TBCB: variants seen among roughly 807,000 people sequenced by gnomAD.
TBCB encodes the protein tubulin-folding cofactor B.
A neutral mutation model predicts 29.2 loss-of-function variants in TBCB; 18 were observed. That is an observed-to-expected ratio of 0.62 (90% CI 0.43 to 0.91). The LOEUF (loss-of-function observed/expected upper bound fraction) is 0.91. Among genes scored for constraint, TBCB ranks in the 40% least tolerant of loss-of-function variants. The pLI, the probability that TBCB is intolerant of heterozygous loss-of-function variation, is 0.00. For missense variants in TBCB, 336 were observed against 337.6 expected (o/e 1.00, Z 0.04); for synonymous variants, 172 against 137.8 (o/e 1.25, Z -1.74).
chr19:36,117,285 A>G (rs1973971954), intron 2 of TBCB, among the ~76,000 whole-genome samples: 1 of 152,122 alleles, frequency 6.6e-6, no homozygotes, highest in African/African-American at 2.4e-5. Context: ...ATAATTCACT[A>G]CTGTGTCCCC....
At chr19:36,122,058 G>C in intron 4 of TBCB, 1 of 403,162 alleles carries the variant, frequency 2.5e-6, no homozygotes, top group Non-Finnish European at 4.6e-6. Context: ...AGGGAACACA[G>C]GGGGCTGTGT....
intron 2 of TBCB, 58 bp from the exon 3 acceptor site, chr19:36,120,652 A>T (rs1371554578): frequency 1.3e-6 from 2 of 1,518,012 alleles, no homozygotes; most frequent in Admixed American, 3.4e-5. Flanking sequence ...CCCTGCACCC[A>T]GCACCCAGGC....
At chr19:36,117,232 C>T (rs146919750) in intron 2 of TBCB, among the ~76,000 whole-genome samples, 1 of 152,340 alleles carries the variant, frequency 6.6e-6, no homozygotes, top group African/African-American at 2.4e-5. Context: ...TACTCTCTGT[C>T]TCCCTGGATT....
chr19:36,116,278 G>T, intron 2 of TBCB, 94 bp downstream of exon 2: 1 of 1,522,968 alleles, frequency 6.6e-7, no homozygotes, highest in Non-Finnish European at 8.9e-7. Flanking sequence ...TCATACCCGA[G>T]ATAGGTCCTG....
At chr19:36,121,936 C>T in intron 4 of TBCB, 1 of 657,898 alleles carries the variant, frequency 1.5e-6, no homozygotes, top group Middle Eastern at 4.2e-4. Flanking sequence ...GCGGAGTGAT[C>T]TGTCCAGCGA....
At chr19:36,116,360 C>T in intron 2 of TBCB, 176 bp downstream of exon 2, 1 of 829,630 alleles carries the variant, frequency 1.2e-6, no homozygotes, top group Middle Eastern at 3.8e-4. Context: ...CTAGAGTGGT[C>T]TGGGCTGGGA....
intron 4 of TBCB, among the ~76,000 whole-genome samples, chr19:36,122,709 G>A (rs1047340682): frequency 1.8e-4 from 27 of 146,048 alleles, no homozygotes; most frequent in African/African-American, 6.7e-4. Flanking sequence ...AGCTATGATC[G>A]CACCACTGCA....
In TBCB at chr19:36,115,678, T is replaced by C. The variant is rs754050010; in HGVS notation, c.114+4T>C. 1.4e-5 allele frequency: 16 copies of C among 1,109,170 alleles called. No homozygotes were observed. The South Asian group carries it at 2.1e-4, about 15-fold the overall frequency. The allele number at this position is 1,109,170 out of a possible 1,614,324, so 68.7% of individuals were successfully genotyped here. A position where few individuals can be genotyped will look rare whatever the true frequency, so the allele number is the denominator to read the frequency against. ...CCTCACCATCGCTGAGTTCAAGGTG[T>C]GGCCATGGGGGCGGGGTCCGGAGGG... is the stretch of plus-strand genomic sequence containing the variant. On this transcript the variant is annotated splice_donor_region_variant and intron_variant, in intron 1 of 5. Coordinates refer to ENST00000221855, the MANE Select transcript of TBCB (RefSeq NM_001281.3).
rs775648395 is a variant in TBCB at position 36,125,464 on chromosome 19, C to T, written c.561C>T (p.Phe187=). The T allele has an allele frequency of 6.2e-7, 1 of 1,614,236 alleles. No homozygotes were observed. The highest frequency in any genetic ancestry group is 8.5e-7 in the Non-Finnish European group (1 of 1,180,038). ...TTCTGTTGGCAGGTCTCACAGATTTCAAGCCTGGCTACTGGATTGGTGTCC... is the reference window on the plus strand; with the variant it reads ...TTCTGTTGGCAGGTCTCACAGATTTTAAGCCTGGCTACTGGATTGGTGTCC... ...GTVMYVGLTD[F]KPGYWIGVRY... The change falls in exon 5 of 6, where the codon TTC becomes TTT. Residue 187 remains phenylalanine (F), a synonymous_variant. Transcript: ENST00000221855.
At chr19:36,119,861 A>C (rs1599864078) in intron 2 of TBCB, among the ~76,000 whole-genome samples, 2 of 147,472 alleles carry the variant, frequency 1.4e-5, no homozygotes, top group African/African-American at 2.5e-5. Context: ...ACACCACCAC[A>C]CTCCAGCCTG....
chr19:36,121,651 C>T lies in TBCB; in HGVS notation c.480C>T (p.Pro160=), dbSNP rs542917348. The T allele has an allele frequency of 6.4e-6, 10 of 1,560,240 alleles. No individual in the cohort carries two copies. The African/African-American group carries it at 6.8e-5, about 11-fold the overall frequency. Residue 160 remains proline (P), a synonymous_variant, in exon 4 of 6, where the codon CCC becomes CCT. Transcript: ENST00000221855. ...AEEKAQASSI[P]VGSRCEVRAA... ...AGAAGGCCCAGGCCAGCTCCATCCCCGTGGGCAGCCGCTGTGAGGTGCGGG... is the reference window on the plus strand; with the variant it reads ...AGAAGGCCCAGGCCAGCTCCATCCCTGTGGGCAGCCGCTGTGAGGTGCGGG...
In TBCB at chr19:36,123,593, G is replaced by T. The variant is rs150615061; in HGVS notation, c.548-1858G>T. Among the ~76,000 whole-genome samples the T allele has an allele frequency of 1.1e-3, 168 of 152,210 alleles. 2 individuals are homozygous for T. The East Asian group carries it at 0.025, about 23-fold the overall frequency. On this transcript the variant is annotated intron_variant, in intron 4 of 5. Transcript: ENST00000221855. ...ACATTCTTTTATAAATTTCTGTGTGGCTGGGCATGGTGGCTCATGCCTGTA... is the reference window on the plus strand; with the variant it reads ...ACATTCTTTTATAAATTTCTGTGTGTCTGGGCATGGTGGCTCATGCCTGTA...
Position 36,121,621 on chromosome 19 carries a change from CGAG to C in TBCB, c.454_456del (p.Glu152del), listed in dbSNP as rs1413150608. On this transcript the variant is annotated inframe_deletion, in exon 4 of 6. Transcript: ENST00000221855. ...AGGCCGAGGCCGCCCAGCGCCTGGC[CGAG>C]GAGAAGGCCCAGGCCAGCTCCATCC... 5 of 1,555,870 alleles carry C rather than the reference CGAG, an allele frequency of 3.2e-6. No individual in the cohort carries two copies. The African/African-American group carries it at 6.8e-5, about 21-fold the overall frequency.
At chr19:36,118,292 T>C (rs906570356) in intron 2 of TBCB, among the ~76,000 whole-genome samples, 1 of 152,070 alleles carries the variant, frequency 6.6e-6, no homozygotes, top group Non-Finnish European at 1.5e-5. Flanking sequence ...AGACAAGGGT[T>C]GTGTAGGAGA....
Position 36,121,730 on chromosome 19 carries a change from G to C in TBCB, c.547+12G>C, listed in dbSNP as rs1599865445. On this transcript the variant is annotated intron_variant, in intron 4 of 5. Coordinates refer to ENST00000221855, the MANE Select transcript of TBCB (RefSeq NM_001281.3). ...CGTCATGTATGTAGGTGCGTGGCTC[G>C]CGGGCCCGGTCCCGGGCTCCAGGGC... The C allele has an allele frequency of 1.3e-6, 2 of 1,548,044 alleles. No individual in the cohort carries two copies. Among genetic ancestry groups the C allele is most frequent in the East Asian group, 4.9e-5 (2 of 41,088 alleles).
intron 4 of TBCB, among the ~76,000 whole-genome samples, chr19:36,124,429 C>T (rs1029158616): frequency 1.3e-5 from 2 of 152,020 alleles, no homozygotes; most frequent in Admixed American, 6.6e-5. Flanking sequence ...CCATGTTGGC[C>T]AGGCTGGTCT....
chr19:36,120,586 G>T (rs1434351085), intron 2 of TBCB, 124 bp from the exon 3 acceptor site: 20 of 733,322 alleles, frequency 2.7e-5, no homozygotes, highest in Non-Finnish European at 4.4e-5. Context: ...AGAAGAGAAG[G>T]CTGCAGTACA....
intron 4 of TBCB, among the ~76,000 whole-genome samples, chr19:36,125,163 A>G (rs1056047836): frequency 4.6e-5 from 7 of 152,188 alleles, no homozygotes; most frequent in Non-Finnish European, 2.9e-5. Context: ...CTGGCAAGGC[A>G]GTAGTGCCAT....
In TBCB at chr19:36,125,763, A is replaced by G. The variant is rs1460724888; in HGVS notation, c.716A>G (p.Tyr239Cys). ...GTGGGGGACTTCCCGGAGGAGGACT[A>G]CGGGTTGGACGAGATATGACACCTA... ...VTVGDFPEED[Y>C]GLDEI is the part of the protein sequence containing the mutation. The change falls in exon 6 of 6, where the codon TAC (tyrosine) becomes TGC (cysteine). Residue 239 changes from tyrosine to cysteine, a missense_variant. By Grantham distance (194) the Tyr-to-Cys change is radical. Coordinates refer to ENST00000221855, the MANE Select transcript of TBCB (RefSeq NM_001281.3). 1.9e-6 allele frequency: 3 copies of G among 1,543,546 alleles called. No homozygotes were observed. The highest frequency in any genetic ancestry group is 1.8e-4 in the Middle Eastern group (1 of 5,714).
Sources: allele counts gnomAD v4.1 joint callset (sites outside exome capture counted in the v4.1 genomes callset), GRCh38; gene constraint gnomAD v4.1.1; transcripts MANE v1.5; gene names NCBI Gene and HGNC (gene_info 2026-07-23, HGNC 2026-07-21).